Variants in MAP4 observed in about 807,000 individuals in gnomAD.
MAP4 encodes microtubule-associated protein 4.
In MAP4, 76 loss-of-function variants were observed where a neutral mutation model predicts 170.2. The observed-to-expected ratio is 0.45, with a 90% confidence interval of 0.37 to 0.54. MAP4 has a LOEUF of 0.54. MAP4 is among the 20% of genes least tolerant of loss of function. The pLI, the probability that MAP4 is intolerant of heterozygous loss-of-function variation, is 0.00. For missense variants in MAP4, 2,506 were observed against 2,748.0 expected (o/e 0.91, Z 1.97); for synonymous variants, 909 against 994.5 (o/e 0.91, Z 1.62).
chr3:48,074,676 T>TTTTGTG (rs746281743), intron 1 of MAP4, among the ~76,000 whole-genome samples: 4,097 of 90,582 alleles, frequency 0.045, 333 homozygotes, highest in Non-Finnish European at 0.056. Context: ...ATCCAGCTAA[T>TTTTGTG]TGTGTGTGTG....
At chr3:48,056,645 G>A (rs1167766288) in intron 1 of MAP4, among the ~76,000 whole-genome samples, 11 of 120,120 alleles carry the variant, frequency 9.2e-5, no homozygotes, top group African/African-American at 3.2e-4. Flanking sequence ...CCGGCCAGCC[G>A]CCCTGTCTGG....
In MAP4 at chr3:48,034,206, T is replaced by C. The variant is rs577842765; in HGVS notation, c.-19-35327A>G. 2.6e-5 allele frequency among the ~76,000 whole-genome samples: 4 copies of C among 152,320 alleles called. No individual in the cohort carries two copies. The South Asian group carries it at 8.3e-4, about 32-fold the overall frequency. ...GGTTAGCCTATCTGGCATGCCTTTG[T>C]CTCACAAATGCTTAGAGGACATTTC... On this transcript the variant is annotated intron_variant, in intron 1 of 18. Transcript: ENST00000360240.
In MAP4 at chr3:48,005,404, T is replaced by G. The variant is rs187388282; in HGVS notation, c.-19-6525A>C. Among the ~76,000 whole-genome samples the G allele has an allele frequency of 1.8e-3, 278 of 152,140 alleles. 1 individual carries two copies. The highest frequency in any genetic ancestry group is 2.8e-3 in the Non-Finnish European group (188 of 67,988). On this transcript the variant is annotated intron_variant, in intron 1 of 20. Transcript: ENST00000683076. ...TCTCTAATTTATATAAACAGCAATC[T>G]GGAGAACAGGCATGGGAATGGGTAT...
chr3:47,880,281 T>TC (rs1491195945), intron 10 of MAP4, among the ~76,000 whole-genome samples: 1 of 125,278 alleles, frequency 8.0e-6, no homozygotes, highest in Non-Finnish European at 1.6e-5. Context: ...TTTTTTTTTT[T>TC]GCATTTTTAG....
At chr3:48,087,064 T>C (rs1409379594) in intron 1 of MAP4, among the ~76,000 whole-genome samples, 1 of 152,200 alleles carries the variant, frequency 6.6e-6, no homozygotes, top group African/African-American at 2.4e-5. Context: ...GCCTGGGAGA[T>C]GGCAAGTGCT....
At chr3:47,899,286 C>G (rs766761718) in intron 10 of MAP4, among the ~76,000 whole-genome samples, 3 of 152,136 alleles carry the variant, frequency 2.0e-5, no homozygotes, top group Non-Finnish European at 4.4e-5. Context: ...GGTGTCCCAG[C>G]TAATCACCAC....
intron 12 of MAP4, among the ~76,000 whole-genome samples, chr3:47,874,678 C>T (rs1378519342): frequency 6.6e-6 from 1 of 152,046 alleles, no homozygotes; most frequent in Admixed American, 6.6e-5. Context: ...TTATTCAAAC[C>T]TATTGTTTTC....
intron 3 of MAP4, among the ~76,000 whole-genome samples, chr3:47,935,761 AC>A (rs1447282485): frequency 1.3e-5 from 2 of 151,074 alleles, no homozygotes; most frequent in Non-Finnish European, 2.9e-5. Context: ...ATATGGTGAA[AC>A]CCCATCTCTA....
chr3:47,854,561 C>A (rs2051081793), intron 19 of MAP4, among the ~76,000 whole-genome samples: 2 of 152,226 alleles, frequency 1.3e-5, no homozygotes, highest in Non-Finnish European at 1.5e-5. Flanking sequence ...GGCCCCCCAC[C>A]CACGGATGAC....
intron 3 of MAP4, among the ~76,000 whole-genome samples, chr3:47,977,438 C>CA (rs1166781614): frequency 1.3e-5 from 2 of 152,096 alleles, no homozygotes; most frequent in Non-Finnish European, 2.9e-5. Context: ...ACACTGGGGG[C>CA]AAAATAAATA....
At chr3:48,074,676 T>TTTTTTGTGTG (rs746281743) in intron 1 of MAP4, among the ~76,000 whole-genome samples, 29 of 90,642 alleles carry the variant, frequency 3.2e-4, no homozygotes, top group Non-Finnish European at 5.7e-4. Flanking sequence ...ATCCAGCTAA[T>TTTTTTGTGTG]TGTGTGTGTG....
chr3:47,927,161 A>G lies in MAP4; in HGVS notation c.415+1067T>C, dbSNP rs1052087642. 9.4e-4 allele frequency among the ~76,000 whole-genome samples: 142 copies of G among 150,694 alleles called. 2 individuals are homozygous for G. The highest frequency in any genetic ancestry group is 3.4e-3 in the Middle Eastern group (1 of 294). ...GTGACAGAGCAAGACTCTGTCTCAA[A>G]AAAAAAAAAAAAAGAATTGTATCTC... On this transcript the variant is annotated intron_variant, in intron 4 of 20. Coordinates refer to ENST00000683076, the MANE Select transcript of MAP4 (RefSeq NM_001385682.1).
intron 3 of MAP4, among the ~76,000 whole-genome samples, chr3:47,951,735 C>G (rs554059357): frequency 3.9e-5 from 6 of 152,340 alleles, no homozygotes; most frequent in African/African-American, 1.4e-4. Context: ...CTTGGCCTCC[C>G]AAAGTGCCGA....
At chr3:47,928,379 A>G (rs1486536345) in intron 3 of MAP4, 29 bp from the exon 4 acceptor site, 1 of 1,611,686 alleles carries the variant, frequency 6.2e-7, no homozygotes, top group South Asian at 1.1e-5. Flanking sequence ...AACAAAAGTT[A>G]CAAGATATTA....
chr3:47,856,242 C>T (rs906499656), intron 18 of MAP4, among the ~76,000 whole-genome samples: 21 of 152,168 alleles, frequency 1.4e-4, no homozygotes, highest in Non-Finnish European at 3.1e-4. Flanking sequence ...AGCTTCTGGC[C>T]GAGGTCTCCC....
chr3:47,873,398 A>G (rs1015414244), intron 12 of MAP4, among the ~76,000 whole-genome samples: 1 of 152,216 alleles, frequency 6.6e-6, no homozygotes, highest in Admixed American at 6.5e-5. Context: ...AGTATGCCAA[A>G]TCACAGACAC....
chr3:47,892,007 T>C (rs2100024278), intron 10 of MAP4: 1 of 1,536,238 alleles, frequency 6.5e-7, no homozygotes, highest in African/African-American at 1.4e-5. Flanking sequence ...GAAATCCAGA[T>C]CTGACTGGCT....
intron 1 of MAP4, among the ~76,000 whole-genome samples, chr3:48,078,461 T>C (rs534533812): frequency 8.5e-5 from 13 of 152,062 alleles, no homozygotes; most frequent in African/African-American, 2.9e-4. Flanking sequence ...CTACCCCAAA[T>C]TGTATGCTTT....
chr3:47,951,395 GC>G (rs2100063712), intron 3 of MAP4, among the ~76,000 whole-genome samples: 1 of 151,964 alleles, frequency 6.6e-6, no homozygotes, highest in South Asian at 2.1e-4. Flanking sequence ...TCCCTCTGAT[GC>G]CGAGCCGAAG....
Sources: gnomAD v4.1 joint callset for allele counts (sites outside exome capture counted in the v4.1 genomes callset) on GRCh38, gnomAD v4.1.1 for gene constraint, MANE v1.5 for transcripts, NCBI Gene and HGNC (gene_info 2026-07-23, HGNC 2026-07-21) for gene names.